Variants in RAPGEF3 observed in about 807,000 individuals in gnomAD.
RAPGEF3 encodes the protein Rap guanine nucleotide exchange factor 3.
In RAPGEF3, 103 loss-of-function variants were observed where a neutral mutation model predicts 129.8. That is an observed-to-expected ratio of 0.79 (90% CI 0.68 to 0.93). The LOEUF (loss-of-function observed/expected upper bound fraction) is 0.93. Among genes scored for constraint, RAPGEF3 ranks in the 40% least tolerant of loss-of-function variants. The pLI is 0.00. For synonymous variants in RAPGEF3, 436 were observed against 482.6 expected (o/e 0.90, Z 1.26); for missense variants, 1,117 against 1,207.4 (o/e 0.93, Z 1.11).
chr12:47,739,222 T>C lies in RAPGEF3; in HGVS notation c.2382A>G (p.Ser794=). The change falls in exon 24 of 28, where the codon TCA becomes TCG. Residue 794 remains serine, a synonymous_variant. Coordinates refer to ENST00000449771, the MANE Select transcript of RAPGEF3 (RefSeq NM_001098531.4). ...CCAGTCGGTATACCCGGTGGTTCCA[T>C]GAGGGATCCTAGGGGAAGAAGCCAC... ...YSALERLLDP[S]WNHRVYRLAL... The C allele has an allele frequency of 1.2e-6, 2 of 1,610,538 alleles. No homozygotes were observed. The highest frequency in any genetic ancestry group is 1.3e-5 in the African/African-American group (1 of 74,812).
chr12:47,757,970 T>TC lies in RAPGEF3; in HGVS notation c.114dup (p.Thr39AspfsTer86). 3.2e-6 allele frequency: 5 copies of TC among 1,564,052 alleles called. No individual in the cohort carries two copies. The highest frequency in any genetic ancestry group is 4.3e-6 in the Non-Finnish European group (5 of 1,153,790). ...CTTCTCAACACCATGTTGAGTAGTG[T>TC]CCCCTCCGGCACCACGTCAGGGAGG... On this transcript the variant is annotated frameshift_variant, in exon 2 of 28. Coordinates refer to ENST00000449771, the MANE Select transcript of RAPGEF3 (RefSeq NM_001098531.4). LOFTEE classifies it high-confidence loss of function.
Position 47,757,966 on chromosome 12 carries a change from A to G in RAPGEF3, c.119T>C (p.Leu40Pro). 2 of 1,563,222 alleles carry G rather than the reference A, an allele frequency of 1.3e-6. No homozygotes were observed. Among genetic ancestry groups the G allele is most frequent in the Non-Finnish European group, 1.7e-6 (2 of 1,153,356 alleles). The stretch of plus-strand genomic sequence containing the variant: ...CATCCTTCTCAACACCATGTTGAGT[A>G]GTGTCCCCTCCGGCACCACGTCAGG... ...ALPDVVPEGTLLNMVLRRMHR... is the reference protein window; with the variant it reads ...ALPDVVPEGTPLNMVLRRMHR... Residue 40 changes from leucine (L) to proline (P), a missense_variant, in exon 2 of 28, where the codon CTA becomes CCA. Physicochemically the swap from Leu to Pro is moderately conservative, Grantham distance 98. Transcript: ENST00000449771.
Position 47,751,833 on chromosome 12 carries a change from A to T in RAPGEF3, c.274-4T>A, listed in dbSNP as rs1020883107. On this transcript the variant is annotated splice_region_variant and splice_polypyrimidine_tract_variant and intron_variant, in intron 3 of 27. Transcript: ENST00000449771. The stretch of plus-strand genomic sequence containing the variant: ...TGAGCACCCGCTCTGTGGAGGCCTT[A>T]GAGGGAGGAAGGGCACAGCAGTTCA... 1 of 1,614,066 alleles carries T rather than the reference A, an allele frequency of 6.2e-7. No homozygotes were observed. The highest frequency in any genetic ancestry group is 8.5e-7 in the Non-Finnish European group (1 of 1,180,036).
intron 23 of RAPGEF3, 146 bp from the exon 24 acceptor site, chr12:47,739,376 C>T (rs770405906): frequency 1.1e-5 from 8 of 733,614 alleles, no homozygotes; most frequent in African/African-American, 1.7e-5. Flanking sequence ...CTCACCCAGG[C>T]TCTGTCACAG....
intron 11 of RAPGEF3, 70 bp from the exon 12 acceptor site, chr12:47,748,612 T>TAATC: frequency 7.4e-7 from 1 of 1,357,392 alleles, no homozygotes; most frequent in East Asian, 2.3e-5. Context: ...CAGACATCAA[T>TAATC]AATCAATTAC....
At position 47,749,972 on chromosome 12, in the gene RAPGEF3, C is replaced by T. The variant is rs773185261; in HGVS notation, c.775G>A (p.Ala259Thr). The change falls in exon 8 of 28, where the codon GCT becomes ACT. Residue 259 changes from alanine (A) to threonine (T), a missense_variant. Ala to Thr is a moderately conservative substitution (Grantham distance 58). Transcript: ENST00000449771. This position sits in a 1 kb window ranked among gnomAD's most constrained non-coding sequence, Gnocchi z 4.5. The part of the protein sequence containing the change: ...LSNSVKRELA[A>T]VLLFEPHSKA... ...CTGTGTGGTTCAAAGAGCAGAACAG[C>T]CGCTAATTCTCGCTTCACCTGTGTG... The T allele has an allele frequency of 3.1e-6, 5 of 1,614,254 alleles. No individual in the cohort carries two copies. Among genetic ancestry groups the T allele is most frequent in the South Asian group, 1.1e-5 (1 of 91,090 alleles).
chr12:47,743,144 A>G (rs1941251619), intron 18 of RAPGEF3, among the ~76,000 whole-genome samples: 1 of 152,262 alleles, frequency 6.6e-6, no homozygotes, highest in Non-Finnish European at 1.5e-5. Context: ...ATGTATCACT[A>G]TGTGCCGGGC....
chr12:47,739,310 T>A, intron 23 of RAPGEF3, 80 bp from the exon 24 acceptor site: 2 of 1,100,198 alleles, frequency 1.8e-6, no homozygotes, highest in Non-Finnish European at 1.4e-6. Context: ...AGGGGCCACA[T>A]GCCCATCCCA....
At chr12:47,752,863 C>T (rs559297163) in intron 2 of RAPGEF3, 5 of 152,138 alleles carry the variant, frequency 3.3e-5, no homozygotes, top group Admixed American at 6.6e-5. Context: ...CTCAGGAAGA[C>T]GCACTTTATC....
chr12:47,738,860 G>T (rs1208857774), intron 24 of RAPGEF3, 106 bp from the exon 25 acceptor site: 1 of 1,034,030 alleles, frequency 9.7e-7, no homozygotes, highest in Non-Finnish European at 1.5e-6. Context: ...TCACCCCATA[G>T]AGCCCCTGCC....
chr12:47,751,084 C>A lies in RAPGEF3; in HGVS notation c.635G>T (p.Gly212Val). ...TGCCACAGTGAGCAGGGCGTCAGGC[C>A]CCCGCTGGGAGAGCAGGGCCACAGC... Reference protein sequence around the residue: ...AEAVALLSQRGPDALLTVALR... With the variant: ...AEAVALLSQRVPDALLTVALR... Residue 212 changes from glycine (G) to valine (V), a missense_variant, in exon 6 of 28, where the codon GGG becomes GTG. By Grantham distance (109) the Gly-to-Val change is moderately radical. Around this residue, in one of 3 missense-constraint regions of RAPGEF3, gnomAD observed 367 missense variants for 373.4 expected, o/e 0.98. Coordinates refer to ENST00000449771, the MANE Select transcript of RAPGEF3 (RefSeq NM_001098531.4). The A allele has an allele frequency of 6.3e-7, 1 of 1,594,624 alleles. No homozygotes were observed. The highest frequency in any genetic ancestry group is 8.5e-7 in the Non-Finnish European group (1 of 1,171,558).
At position 47,737,293 on chromosome 12, in the gene RAPGEF3, C is replaced by G; in HGVS notation, c.*274G>C. The G allele has an allele frequency of 2.1e-6, 1 of 478,268 alleles. No homozygotes were observed. The highest frequency in any genetic ancestry group is 3.8e-6 in the Non-Finnish European group (1 of 261,742). 29.6% of individuals were successfully genotyped at this position (478,268 alleles called of 1,614,324 possible). On this transcript the variant is annotated 3_prime_UTR_variant, in exon 28 of 28. Coordinates refer to ENST00000449771, the MANE Select transcript of RAPGEF3 (RefSeq NM_001098531.4). ...CTCTCTATTGCACACAACGTCCCAG[C>G]GCACTCCACTCTCCACCCACTCCTG...
In RAPGEF3 at chr12:47,739,186, C is replaced by T; in HGVS notation, c.2418G>A (p.Lys806=). ...NHRVYRLALA[K]LSPPVIPFMP... Reference sequence around the variant, plus strand: ...TGAAGGGGATGACAGGAGGGGAGAGCTTGGCGAGGGCCAGTCGGTATACCC... The same window carrying T: ...TGAAGGGGATGACAGGAGGGGAGAGTTTGGCGAGGGCCAGTCGGTATACCC... The change falls in exon 24 of 28, where the codon AAG becomes AAA. Residue 806 remains lysine, a synonymous_variant. Coordinates refer to ENST00000449771, the MANE Select transcript of RAPGEF3 (RefSeq NM_001098531.4). 3 of 1,609,426 alleles carry T rather than the reference C, an allele frequency of 1.9e-6. No homozygotes were observed. The highest frequency in any genetic ancestry group is 2.2e-5 in the South Asian group (2 of 90,600).
Position 47,737,493 on chromosome 12 carries a change from T to G in RAPGEF3, c.*74A>C. ...GCCTTGCCCAGCTGTGGCCAGCCTG[T>G]GAGTATCTTGGCCCGGCACACCCTG... On this transcript the variant is annotated 3_prime_UTR_variant, in exon 28 of 28. Coordinates refer to ENST00000449771, the MANE Select transcript of RAPGEF3 (RefSeq NM_001098531.4). 1.0e-4 allele frequency: 139 copies of G among 1,359,654 alleles called. No individual in the cohort carries two copies. Among genetic ancestry groups the G allele is most frequent in the Middle Eastern group, 2.5e-4 (1 of 4,074 alleles). 84.2% of individuals were successfully genotyped at this position (1,359,654 alleles called of 1,614,324 possible). A position where few individuals can be genotyped will look rare whatever the true frequency, so the allele number is the denominator to read the frequency against.
In RAPGEF3 at chr12:47,749,370, C is replaced by T; in HGVS notation, c.1041+20G>A. 6.2e-7 allele frequency: 1 copy of T among 1,610,562 alleles called. No individual in the cohort carries two copies. The highest frequency in any genetic ancestry group is 8.5e-7 in the Non-Finnish European group (1 of 1,179,978). On this transcript the variant is annotated intron_variant, in intron 10 of 27. Coordinates refer to ENST00000449771, the MANE Select transcript of RAPGEF3 (RefSeq NM_001098531.4). The surrounding 1 kb of genome is among the most constrained non-coding windows in gnomAD (Gnocchi z 4.5). ...CTCTGGACGAATGGCCCCTGCCCTC[C>T]CCAACCCCAGCAGCAGCACCTTGAT...
chr12:47,739,688 G>T (rs1395149574), intron 23 of RAPGEF3: 6 of 361,790 alleles, frequency 1.7e-5, no homozygotes. Flanking sequence ...GAGGTGGGAG[G>T]TTCCACCCCC....
In RAPGEF3 at chr12:47,748,054, C is replaced by T. The variant is rs533742640; in HGVS notation, c.1322+20G>A. Reference sequence around the variant, plus strand: ...CATCCTATCCCCATGCACACCATCCCCCTGGAGCTGGAAGGATATTGGTGC... The same window carrying T: ...CATCCTATCCCCATGCACACCATCCTCCTGGAGCTGGAAGGATATTGGTGC... On this transcript the variant is annotated intron_variant, in intron 13 of 27. Coordinates refer to ENST00000449771, the MANE Select transcript of RAPGEF3 (RefSeq NM_001098531.4). 33 of 1,566,954 alleles carry T rather than the reference C, an allele frequency of 2.1e-5. 2 individuals are homozygous for T. In the South Asian group the frequency reaches 3.8e-4, roughly 18 times the overall value.
In RAPGEF3 at chr12:47,751,447, C is replaced by A. The variant is rs144344396; in HGVS notation, c.454G>T (p.Val152Phe). The A allele has an allele frequency of 6.2e-7, 1 of 1,614,204 alleles. No homozygotes were observed. Among genetic ancestry groups the A allele is most frequent in the South Asian group, 1.1e-5 (1 of 91,086 alleles). The change falls in exon 5 of 28, where the codon GTT becomes TTT. Residue 152 changes from valine to phenylalanine, a missense_variant. Physicochemically the swap from Val to Phe is conservative, Grantham distance 50. Coordinates refer to ENST00000449771, the MANE Select transcript of RAPGEF3 (RefSeq NM_001098531.4). Reference protein sequence around the residue: ...LGLGVHSRSQVVGICQVLLDE... With the variant: ...LGLGVHSRSQFVGICQVLLDE... The stretch of plus-strand genomic sequence containing the variant: ...AGCAGCACCTGGCAGATTCCCACAA[C>A]TTGGCTCCGGGAATGGACCCCAAGT...
At chr12:47,741,934 G>A in intron 18 of RAPGEF3, 1 of 330,904 alleles carries the variant, frequency 3.0e-6, no homozygotes, top group Non-Finnish European at 5.8e-6. Context: ...ATAAAATAAT[G>A]TATATAAATA....
Sources: gnomAD v4.1 joint callset for allele counts (sites outside exome capture counted in the v4.1 genomes callset) on GRCh38, gnomAD v4.1.1 for gene constraint, gnomAD v4.1.1 regional missense constraint, Gnocchi (gnomAD v3.1) non-coding constraint, MANE v1.5 for transcripts, NCBI Gene and HGNC (gene_info 2026-07-23, HGNC 2026-07-21) for gene names.